The following MPP3 variants were observed in gnomAD, a reference collection of about 807,000 sequenced individuals.
MPP3 encodes the protein MAGUK p55 subfamily member 3.
In MPP3, 48 loss-of-function variants were observed where a neutral mutation model predicts 80.7. The observed-to-expected ratio is 0.59, with a 90% CI of 0.47 to 0.76. MPP3 has a LOEUF of 0.76. MPP3 is among the 30% of genes least tolerant of loss of function. The probability of loss-of-function intolerance (pLI) is 0.00; values close to 1 mark genes in which losing one functional copy is unlikely to be tolerated. For synonymous variants in MPP3, 311 were observed against 297.6 expected (o/e 1.04, Z -0.46); for missense variants, 620 against 763.0 (o/e 0.81, Z 2.21).
rs572038459 is a variant in MPP3, at chr17:43,822,081, T to C, written c.685-1023A>G. ...CTTTAGGAAAACCAAGTTCTCTTCC[T>C]CAAAGAGGTTTCCTCAAGTCAGAAC... On this transcript the variant is annotated intron_variant, in intron 10 of 19. Transcript: ENST00000398389. Among the ~76,000 whole-genome samples, 10 of 152,320 alleles carry C rather than the reference T, an allele frequency of 6.6e-5. No individual in the cohort carries two copies. In the East Asian group the frequency reaches 1.7e-3, roughly 26 times the overall value.
Position 43,830,012 on chromosome 17 carries a change from GCT to G in MPP3, c.303+13_303+14del. The G allele has an allele frequency of 6.2e-7, 1 of 1,605,742 alleles. No individual in the cohort carries two copies. Among genetic ancestry groups the G allele is most frequent in the African/African-American group, 1.3e-5 (1 of 74,924 alleles). On this transcript the variant is annotated intron_variant, in intron 6 of 19. Coordinates refer to ENST00000398389, the MANE Select transcript of MPP3 (RefSeq NM_001932.6). ...GACCCAGAGGCATGGCTGGGCAGGGGCTCTGTGTGACTACCCTCAGGTGCGGG... is the reference window on the plus strand; with the variant it reads ...GACCCAGAGGCATGGCTGGGCAGGGGCTGTGTGACTACCCTCAGGTGCGGG...
chr17:43,803,198 G>C (rs1160219638), intron 19 of MPP3, among the ~76,000 whole-genome samples: 1 of 151,954 alleles, frequency 6.6e-6, no homozygotes, highest in South Asian at 2.1e-4. Flanking sequence ...CTATAGACCT[G>C]TCTGCTGCTT....
intron 8 of MPP3, among the ~76,000 whole-genome samples, chr17:43,826,673 C>G (rs1231926389): frequency 6.6e-6 from 1 of 152,134 alleles, no homozygotes; most frequent in Non-Finnish European, 1.5e-5. Context: ...CTTGACAAGA[C>G]CTGGGATGGT....
chr17:43,816,785 T>C, intron 12 of MPP3, 88 bp from the exon 13 acceptor site: 5 of 1,279,130 alleles, frequency 3.9e-6, no homozygotes, highest in Admixed American at 2.0e-5. Flanking sequence ...CCCGAGTGCC[T>C]GAGGAGCCCG....
chr17:43,825,924 G>A lies in MPP3; in HGVS notation c.524-83C>T, dbSNP rs556843794. Reference sequence around the variant, plus strand: ...CAGAGCTCCAAGCACCACAGGGGCCGGCCTGAGAAGCCCACTGCAGGGCCA... The same window carrying A: ...CAGAGCTCCAAGCACCACAGGGGCCAGCCTGAGAAGCCCACTGCAGGGCCA... On this transcript the variant is annotated intron_variant, in intron 8 of 19. Coordinates refer to ENST00000398389, the MANE Select transcript of MPP3 (RefSeq NM_001932.6). 1.4e-4 allele frequency: 124 copies of A among 861,032 alleles called. No homozygotes were observed. In the African/African-American group the frequency reaches 1.7e-3, roughly 12 times the overall value. 53.3% of individuals were successfully genotyped at this position (861,032 alleles called of 1,614,324 possible). A position where few individuals can be genotyped will look rare whatever the true frequency, so the allele number is the denominator to read the frequency against.
Position 43,823,932 on chromosome 17 carries a change from T to C in MPP3, c.683A>G (p.Lys228Arg), listed in dbSNP as rs773155651. 2 of 1,609,960 alleles carry C rather than the reference T, an allele frequency of 1.2e-6. No individual in the cohort carries two copies. The highest frequency in any genetic ancestry group is 2.7e-5 in the African/African-American group (2 of 74,662). ...CACCGCGGACCCACCTCCCCATACC[T>C]TGCTCTCCTTTAAGCGATCTTCCTC... ...TQEEDRLKES[K>R]VFMRALFHYN... The change falls in exon 10 of 20, where the codon AAG becomes AGG. Residue 228 changes from lysine to arginine, a missense_variant and splice_region_variant. By Grantham distance (26) the Lys-to-Arg change is conservative. Transcript: ENST00000398389.
chr17:43,831,098 A>G (rs570449457), intron 5 of MPP3, 146 bp downstream of exon 5: 81 of 715,062 alleles, frequency 1.1e-4, no homozygotes, highest in South Asian at 1.6e-4. Context: ...AGAGGAAGAG[A>G]AGGAGGAGGA....
At chr17:43,803,049 T>C (rs1704711985) in intron 19 of MPP3, among the ~76,000 whole-genome samples, 1 of 152,130 alleles carries the variant, frequency 6.6e-6, no homozygotes, top group African/African-American at 2.4e-5. Flanking sequence ...AAAAATTCGA[T>C]TAAATTGGGA....
intron 10 of MPP3, among the ~76,000 whole-genome samples, chr17:43,821,792 G>GA (rs1388318872): frequency 5.3e-5 from 8 of 150,270 alleles, no homozygotes; most frequent in Admixed American, 1.3e-4. Flanking sequence ...TGGCAAACAG[G>GA]AAAAAAAAAG....
chr17:43,818,432 G>T (rs2045262752), intron 11 of MPP3, among the ~76,000 whole-genome samples: 1 of 152,162 alleles, frequency 6.6e-6, no homozygotes, highest in African/African-American at 2.4e-5. Flanking sequence ...AGGAGAGGCA[G>T]CCCCTTCTCT....
At chr17:43,806,355 G>A (rs554102173) in intron 19 of MPP3, among the ~76,000 whole-genome samples, 6 of 151,762 alleles carry the variant, frequency 4.0e-5, no homozygotes, top group Non-Finnish European at 8.8e-5. Flanking sequence ...TAGTAGAGAC[G>A]GGGTTTCACC....
chr17:43,808,836 A>T, intron 19 of MPP3, 120 bp downstream of exon 19: 1 of 1,125,708 alleles, frequency 8.9e-7, no homozygotes, highest in South Asian at 2.2e-5. Flanking sequence ...AAAGACAATC[A>T]CATGTAGAAG....
intron 8 of MPP3, among the ~76,000 whole-genome samples, chr17:43,826,480 G>A (rs747502189): frequency 6.6e-5 from 10 of 152,178 alleles, no homozygotes; most frequent in Non-Finnish European, 1.0e-4. Flanking sequence ...TCGTGGACTC[G>A]TTAATGTTTG....
intron 16 of MPP3, among the ~76,000 whole-genome samples, chr17:43,813,648 C>T: frequency 6.6e-6 from 1 of 152,140 alleles, no homozygotes; most frequent in Middle Eastern, 3.2e-3. Context: ...CTCATCCAAG[C>T]AGAGGGCAGC....
At chr17:43,818,132 G>C (rs1441192666) in intron 11 of MPP3, 22 bp from the exon 12 acceptor site, 3 of 1,495,698 alleles carry the variant, frequency 2.0e-6, no homozygotes, top group Non-Finnish European at 2.7e-6. Flanking sequence ...CAAGGGGATG[G>C]GCGGGCCCGT....
In MPP3 at chr17:43,814,234, G is replaced by T. The variant is rs746362393; in HGVS notation, c.1137C>A (p.His379Gln). ...CCAGGCGGGGCCGCTCTCCGGGCTG[G>T]TGTTGGTACCTGGCCACCTCTTCGT... Reference protein sequence around the residue: ...LTYEEVARYQHQPGERPRLVV... With the variant: ...LTYEEVARYQQQPGERPRLVV... The change falls in exon 15 of 20, where the codon CAC becomes CAA. Residue 379 changes from histidine (H) to glutamine (Q), a missense_variant. Physicochemically the swap from His to Gln is conservative, Grantham distance 24. Transcript: ENST00000398389. 10 of 1,613,566 alleles carry T rather than the reference G, an allele frequency of 6.2e-6. No homozygotes were observed. The highest frequency in any genetic ancestry group is 5.5e-5 in the South Asian group (5 of 91,082).
chr17:43,808,435 T>G (rs564937795), intron 19 of MPP3, among the ~76,000 whole-genome samples: 7 of 152,240 alleles, frequency 4.6e-5, no homozygotes, highest in African/African-American at 1.7e-4. Flanking sequence ...CATCCTGACA[T>G]AGACTGGGCT....
intron 13 of MPP3, among the ~76,000 whole-genome samples, chr17:43,816,426 C>T (rs1487100276): frequency 6.6e-6 from 1 of 152,204 alleles, no homozygotes; most frequent in Admixed American, 6.5e-5. Context: ...ACAGCGTAGC[C>T]GAGTCCTGGA....
At chr17:43,829,918 T>G in intron 6 of MPP3, 109 bp downstream of exon 6, 1 of 1,544,400 alleles carries the variant, frequency 6.5e-7, no homozygotes, top group Non-Finnish European at 8.9e-7. Context: ...ACACTAGTGC[T>G]GAGGATCGCT....
Sources: allele counts gnomAD v4.1 joint callset (sites outside exome capture counted in the v4.1 genomes callset), GRCh38; gene constraint gnomAD v4.1.1; transcripts MANE v1.5; gene names NCBI Gene and HGNC (gene_info 2026-07-23, HGNC 2026-07-21).